KLHL18: variants seen among roughly 807,000 people sequenced by gnomAD.
KLHL18 encodes the protein kelch like family member 18.
A neutral mutation model predicts 58.5 loss-of-function variants in KLHL18; 38 were observed. That is an observed-to-expected ratio of 0.65 (90% CI 0.50 to 0.85). KLHL18 has a LOEUF of 0.85. Among genes scored for constraint, KLHL18 ranks in the 40% least tolerant of loss-of-function variants. The probability of loss-of-function intolerance (pLI) is 0.00; values close to 1 mark genes in which losing one functional copy is unlikely to be tolerated. For missense variants in KLHL18, 624 were observed against 778.4 expected, an observed-to-expected ratio of 0.80 and a Z score of 2.36; for synonymous variants, 303 against 301.9, an observed-to-expected ratio of 1.00 and a Z score of -0.04.
Position 47,342,708 on chromosome 3 carries a change from C to G in KLHL18, c.1227-11C>G. 1 of 1,612,098 alleles carries G rather than the reference C, an allele frequency of 6.2e-7. No homozygotes were observed. Among genetic ancestry groups the G allele is most frequent in the Non-Finnish European group, 8.5e-7 (1 of 1,178,244 alleles). On this transcript the variant is annotated splice_polypyrimidine_tract_variant and intron_variant, in intron 8 of 9. Transcript: ENST00000232766. ...TCATGCTTCCCCTCCTATTTTGACT[C>G]TTTCCTGAAGATGGACAGTGGTGAC...
intron 3 of KLHL18, among the ~76,000 whole-genome samples, chr3:47,324,382 CTG>C (rs1434397639): frequency 2.3e-5 from 3 of 131,848 alleles, no homozygotes; most frequent in East Asian, 4.7e-4. Flanking sequence ...TGAAATGACT[CTG>C]TGGCTAAGTA....
At chr3:47,337,491 CAT>C (rs1462807509) in intron 7 of KLHL18, 4 of 152,712 alleles carry the variant, frequency 2.6e-5, no homozygotes, top group Non-Finnish European at 5.8e-5. Context: ...GGAGTCATCA[CAT>C]GTGTGGGCAG....
At chr3:47,312,645 A>G (rs1033562619) in intron 1 of KLHL18, among the ~76,000 whole-genome samples, 3 of 152,162 alleles carry the variant, frequency 2.0e-5, no homozygotes, top group Non-Finnish European at 2.9e-5. Context: ...ACCCTCTTAT[A>G]TAAGCTATAG....
intron 1 of KLHL18, among the ~76,000 whole-genome samples, chr3:47,316,916 C>T (rs1224683560): frequency 1.3e-5 from 2 of 151,478 alleles, no homozygotes; most frequent in Non-Finnish European, 2.9e-5. Context: ...CAAGTCCAGC[C>T]TGGGGGACAG....
intron 1 of KLHL18, among the ~76,000 whole-genome samples, chr3:47,302,111 T>TA (rs1703038432): frequency 6.6e-6 from 1 of 152,228 alleles, no homozygotes; most frequent in Non-Finnish European, 1.5e-5. Context: ...TATTAACACA[T>TA]ATTTTGTATG....
At chr3:47,302,123 T>A (rs1188705605) in intron 1 of KLHL18, among the ~76,000 whole-genome samples, 1 of 152,206 alleles carries the variant, frequency 6.6e-6, no homozygotes, top group Non-Finnish European at 1.5e-5. Flanking sequence ...TTTTGTATGT[T>A]ATGTGTATTA....
chr3:47,343,477 C>A, intron 9 of KLHL18, 78 bp from the exon 10 acceptor site: 1 of 1,529,612 alleles, frequency 6.5e-7, no homozygotes, highest in Non-Finnish European at 8.9e-7. Context: ...TGGGGGGCTG[C>A]TGTGCCCTGC....
intron 3 of KLHL18, among the ~76,000 whole-genome samples, chr3:47,324,918 G>C (rs1277267391): frequency 1.3e-5 from 2 of 152,186 alleles, no homozygotes; most frequent in African/African-American, 2.4e-5. Flanking sequence ...AAGTACTTAC[G>C]CATAAACCTG....
Position 47,339,348 on chromosome 3 carries a change from C to G in KLHL18, c.1122-1224C>G, listed in dbSNP as rs981387796. ...CCGTCTATACAAAAAAAAAATTAGC[C>G]AGGCATAGTGCCATGTGCCTGTAGT... On this transcript the variant is annotated intron_variant, in intron 7 of 9. Transcript: ENST00000232766. 2.0e-5 allele frequency among the ~76,000 whole-genome samples: 3 copies of G among 151,802 alleles called. No homozygotes were observed. The South Asian group carries it at 6.2e-4, about 32-fold the overall frequency.
Position 47,343,641 on chromosome 3 carries a change from G to A in KLHL18, c.1425G>A (p.Leu475=). Residue 475 remains leucine, a synonymous_variant, in exon 10 of 10, where the codon CTG becomes CTA. Transcript: ENST00000232766. ...GCTGCCGGCACGGAGCCGCCTCCCTGGGGAGCAAGATGTTTGTCTGCGGGG... is the reference window on the plus strand; with the variant it reads ...GCTGCCGGCACGGAGCCGCCTCCCTAGGGAGCAAGATGTTTGTCTGCGGGG... ...NKRCRHGAAS[L]GSKMFVCGGY... The A allele has an allele frequency of 6.2e-7, 1 of 1,614,084 alleles. No homozygotes were observed. Among genetic ancestry groups the A allele is most frequent in the South Asian group, 1.1e-5 (1 of 91,076 alleles).
chr3:47,313,460 G>A (rs1285807132), intron 1 of KLHL18, among the ~76,000 whole-genome samples: 1 of 151,916 alleles, frequency 6.6e-6, no homozygotes, highest in African/African-American at 2.4e-5. Flanking sequence ...CTGGACCCAG[G>A]CAGTCCTCCT....
At chr3:47,285,425 T>A (rs1034880717) in intron 1 of KLHL18, among the ~76,000 whole-genome samples, 2 of 152,156 alleles carry the variant, frequency 1.3e-5, no homozygotes, top group African/African-American at 4.8e-5. Flanking sequence ...AGATTAAAAT[T>A]TAGGCTGTAG....
chr3:47,296,189 A>T (rs1460557951), intron 1 of KLHL18, among the ~76,000 whole-genome samples: 1 of 152,184 alleles, frequency 6.6e-6, no homozygotes, highest in Non-Finnish European at 1.5e-5. Context: ...TTGCCGCCAC[A>T]CATTGGTCCT....
intron 1 of KLHL18, among the ~76,000 whole-genome samples, chr3:47,315,235 C>A (rs899955091): frequency 2.6e-5 from 4 of 151,978 alleles, no homozygotes; most frequent in African/African-American, 9.7e-5. Context: ...AGTGTAGAAC[C>A]CTGGAATTGT....
At position 47,336,473 on chromosome 3, in the gene KLHL18, A is replaced by G. The variant is rs1265080943; in HGVS notation, c.899-62A>G. On this transcript the variant is annotated intron_variant, in intron 6 of 9. Coordinates refer to ENST00000232766, the MANE Select transcript of KLHL18 (RefSeq NM_025010.5). ...GAATGTTCCATATAATCAATGCCCA[A>G]TAGCTGTGCTCTAAACAAGTGGTCT... 5.0e-6 allele frequency: 7 copies of G among 1,405,858 alleles called. No homozygotes were observed. The East Asian group carries it at 1.4e-4, about 28-fold the overall frequency. The allele number at this position is 1,405,858 out of a possible 1,614,324, so 87.1% of individuals were successfully genotyped here. A position where few individuals can be genotyped will look rare whatever the true frequency, so the allele number is the denominator to read the frequency against.
At chr3:47,301,482 CTT>C (rs945652792) in intron 1 of KLHL18, among the ~76,000 whole-genome samples, 3 of 152,236 alleles carry the variant, frequency 2.0e-5, no homozygotes, top group African/African-American at 4.8e-5. Flanking sequence ...TGAAGAAACT[CTT>C]TTCTCCATCT....
chr3:47,326,534 G>A (rs945789280), intron 3 of KLHL18, among the ~76,000 whole-genome samples: 9 of 152,082 alleles, frequency 5.9e-5, no homozygotes, highest in African/African-American at 2.2e-4. Context: ...CTGTGTGGCC[G>A]CTCTCCTTCC....
chr3:47,314,163 T>A (rs1382040003), intron 1 of KLHL18, among the ~76,000 whole-genome samples: 1 of 152,144 alleles, frequency 6.6e-6, no homozygotes, highest in African/African-American at 2.4e-5. Context: ...TGCACCACCA[T>A]GCCTGGCTAG....
chr3:47,328,155 A>G (rs1391611738), intron 3 of KLHL18, among the ~76,000 whole-genome samples: 1 of 152,020 alleles, frequency 6.6e-6, no homozygotes, highest in African/African-American at 2.4e-5. Flanking sequence ...GCTCGAGCCT[A>G]GGAGTTTGAG....
Sources: allele counts gnomAD v4.1 joint callset (sites outside exome capture counted in the v4.1 genomes callset), GRCh38; gene constraint gnomAD v4.1.1; transcripts MANE v1.5; gene names NCBI Gene and HGNC (gene_info 2026-07-23, HGNC 2026-07-21).